Variants in KMT2C observed in about 807,000 individuals in gnomAD.
The protein encoded by KMT2C is histone-lysine N-methyltransferase 2C.
KMT2C carries 88 observed loss-of-function variants against 507.9 expected under a neutral mutation model. That is an observed-to-expected ratio of 0.17 (90% CI 0.15 to 0.21). The LOEUF (loss-of-function observed/expected upper bound fraction) is 0.21, where lower values mean the gene tolerates loss of function less well. Among genes scored for constraint, KMT2C ranks in the 10% least tolerant of loss-of-function variants. The pLI is 1.00. For synonymous variants in KMT2C, 2,049 were observed against 2,080.8 expected, an observed-to-expected ratio of 0.98 and a Z score of 0.42; for missense variants, 4,954 against 5,957.8, an observed-to-expected ratio of 0.83 and a Z score of 5.55.
intron 1 of KMT2C, among the ~76,000 whole-genome samples, chr7:152,428,826 T>C (rs963317519): frequency 2.0e-5 from 3 of 152,146 alleles, no homozygotes; most frequent in African/African-American, 2.4e-5. Flanking sequence ...AAAGTGTCAG[T>C]TGTCATTCAG....
chr7:152,294,022 C>CTT (rs5888465), intron 6 of KMT2C, among the ~76,000 whole-genome samples: 2,494 of 133,084 alleles, frequency 0.019, 78 homozygotes, highest in African/African-American at 0.063. Flanking sequence ...CCACACCTGC[C>CTT]TTTTTTTTTT....
rs1345303559 is a variant in KMT2C, at chr7:152,205,204, C to T, written c.3863G>A (p.Arg1288Gln). 6.2e-7 allele frequency: 1 copy of T among 1,610,664 alleles called. No individual in the cohort carries two copies. Among genetic ancestry groups the T allele is most frequent in the Non-Finnish European group, 8.5e-7 (1 of 1,178,564 alleles). ...CCCTTGCCCAGTTCGACTTCTTTGC[C>T]GCACCATAAATCCACCAATACCTAT... ...YRPGIGGFMV[R>Q]QRSRTGQGKT... Residue 1288 changes from arginine to glutamine, a missense_variant, in exon 25 of 59, where the codon CGG becomes CAG. Arg to Gln is a conservative substitution (Grantham distance 43). Transcript: ENST00000262189.
At chr7:152,195,876 C>T in intron 28 of KMT2C, 31 bp downstream of exon 28, 1 of 1,285,818 alleles carries the variant, frequency 7.8e-7, no homozygotes, top group Non-Finnish European at 1.1e-6. Context: ...CATCAGAAAC[C>T]AGAAAAAGGG....
intron 2 of KMT2C, among the ~76,000 whole-genome samples, chr7:152,355,109 A>T (rs1589400778): frequency 6.6e-6 from 1 of 152,314 alleles, no homozygotes; most frequent in East Asian, 1.9e-4. Context: ...AAAGCCCTCC[A>T]GTGGGCTGGA....
At chr7:152,387,468 C>CA (rs2097440293) in intron 1 of KMT2C, among the ~76,000 whole-genome samples, 1 of 123,754 alleles carries the variant, frequency 8.1e-6, no homozygotes, top group South Asian at 2.7e-4. Context: ...AGTATAATTC[C>CA]ATTTTTTTTT....
intron 7 of KMT2C, among the ~76,000 whole-genome samples, chr7:152,269,028 T>C (rs2095910118): frequency 6.6e-6 from 1 of 152,130 alleles, no homozygotes; most frequent in African/African-American, 2.4e-5. Flanking sequence ...CTACAATTAT[T>C]CCCAATGTTT....
At chr7:152,403,715 TACAC>T (rs36191060) in intron 1 of KMT2C, among the ~76,000 whole-genome samples, 3,682 of 130,090 alleles carry the variant, frequency 0.028, no homozygotes, top group South Asian at 0.045. Flanking sequence ...CTGGGACACA[TACAC>T]ACACACACAC....
Position 152,151,491 on chromosome 7 carries a change from A to G in KMT2C, c.12617T>C (p.Leu4206Pro). 2 of 1,614,208 alleles carry G rather than the reference A, an allele frequency of 1.2e-6. No homozygotes were observed. The highest frequency in any genetic ancestry group is 1.7e-6 in the Non-Finnish European group (2 of 1,180,020). ...GAAAGATTTCCGCACACCACTTCCA[A>G]GAATAACCACTTTACAATGACAACA... is the stretch of plus-strand genomic sequence containing the variant. Reference protein sequence around the residue: ...QWCCHCKVVILGSGVRKSFKD... With the variant: ...QWCCHCKVVIPGSGVRKSFKD... The change falls in exon 50 of 59, where the codon CTT (leucine) becomes CCT (proline). Residue 4206 changes from leucine (L) to proline (P), a missense_variant. Leu to Pro is a moderately conservative substitution (Grantham distance 98, BLOSUM62 -3). This residue lies in a region of KMT2C where 417 missense variants were observed against 461.1 expected (regional missense o/e 0.90). Transcript: ENST00000262189.
intron 1 of KMT2C, among the ~76,000 whole-genome samples, chr7:152,410,690 G>A (rs1157359079): frequency 2.0e-5 from 3 of 149,922 alleles, no homozygotes; most frequent in Non-Finnish European, 3.0e-5. Flanking sequence ...ATGTATATGA[G>A]ATGTATATAT....
chr7:152,368,245 G>A (rs1174546861), intron 1 of KMT2C: 3 of 908,728 alleles, frequency 3.3e-6, no homozygotes, highest in Non-Finnish European at 5.6e-6. Flanking sequence ...GGACTTGAAA[G>A]ATGTTACTAA....
At chr7:152,334,714 C>T (rs1200483738) in intron 2 of KMT2C, among the ~76,000 whole-genome samples, 2 of 152,076 alleles carry the variant, frequency 1.3e-5, no homozygotes, top group Admixed American at 1.3e-4. Context: ...GACAGCAACC[C>T]AGTCGCAATG....
In KMT2C at chr7:152,144,619, T is replaced by C. The variant is rs1278122684; in HGVS notation, c.14343+94A>G. The stretch of plus-strand genomic sequence containing the variant: ...AAACACGTTTCTGTCCCTGCAGCTA[T>C]GTGAAATCATTTTCACATACTGGAC... On this transcript the variant is annotated intron_variant, in intron 55 of 58. Transcript: ENST00000262189. The surrounding 1 kb of genome is among the most constrained non-coding windows in gnomAD (Gnocchi z 4.4). 16 of 1,226,670 alleles carry C rather than the reference T, an allele frequency of 1.3e-5. No individual in the cohort carries two copies. The highest frequency in any genetic ancestry group is 3.0e-5 in the African/African-American group (2 of 66,738). 76.0% of individuals were successfully genotyped at this position (1,226,670 alleles called of 1,614,324 possible).
Position 152,136,931 on chromosome 7 carries a change from A to G in KMT2C, c.14644-7T>C, listed in dbSNP as rs1380808509. On this transcript the variant is annotated splice_polypyrimidine_tract_variant and splice_region_variant and intron_variant, in intron 58 of 58. Coordinates refer to ENST00000262189, the MANE Select transcript of KMT2C (RefSeq NM_170606.3). ...ACTTATAGTCATAGCAGAGCTGCCC[A>G]CGGCAAAGACACAGGGTAAGAAAGG... 3.7e-6 allele frequency: 6 copies of G among 1,606,350 alleles called. No homozygotes were observed. Among genetic ancestry groups the G allele is most frequent in the Admixed American group, 1.7e-5 (1 of 60,020 alleles).
At chr7:152,412,342 A>T (rs571594816) in intron 1 of KMT2C, among the ~76,000 whole-genome samples, 5 of 152,356 alleles carry the variant, frequency 3.3e-5, no homozygotes, top group African/African-American at 1.2e-4. Context: ...CGGAGGTTGC[A>T]GTGAGCTGAG....
chr7:152,167,678 A>G (rs2092792508), intron 41 of KMT2C, among the ~76,000 whole-genome samples: 1 of 152,180 alleles, frequency 6.6e-6, no homozygotes, highest in Non-Finnish European at 1.5e-5. Context: ...TTTTTTACTA[A>G]ACAAATTCTC....
intron 1 of KMT2C, among the ~76,000 whole-genome samples, chr7:152,391,016 G>A (rs1312179895): frequency 3.3e-5 from 5 of 151,272 alleles, no homozygotes; most frequent in Non-Finnish European, 7.4e-5. Context: ...ATGGTGGCAG[G>A]CGCCTGTAAT....
rs1424235527 is a variant in KMT2C at position 152,251,928 on chromosome 7, C to A, written c.1621+11G>T. The A allele has an allele frequency of 9.6e-6, 15 of 1,558,700 alleles. No individual in the cohort carries two copies. The highest frequency in any genetic ancestry group is 1.3e-5 in the Non-Finnish European group (15 of 1,153,624). On this transcript the variant is annotated intron_variant, in intron 11 of 58. Transcript: ENST00000262189. ...ACAAAAAATTTAAAAAAAAATCATTCTCAAATTTACCTGTAGTGAGCTCAG... is the reference window on the plus strand; with the variant it reads ...ACAAAAAATTTAAAAAAAAATCATTATCAAATTTACCTGTAGTGAGCTCAG...
intron 9 of KMT2C, among the ~76,000 whole-genome samples, chr7:152,255,878 A>T (rs1301422030): frequency 1.3e-5 from 2 of 152,182 alleles, no homozygotes; most frequent in African/African-American, 4.8e-5. Context: ...TAAAAAATAA[A>T]ACAATGCAAG....
chr7:152,145,960 T>C (rs529933689), intron 53 of KMT2C, among the ~76,000 whole-genome samples: 2 of 152,220 alleles, frequency 1.3e-5, no homozygotes, highest in South Asian at 2.1e-4. Context: ...AGAAAACAAT[T>C]AGGCACATTA....
Sources: gnomAD v4.1 joint callset for allele counts (sites outside exome capture counted in the v4.1 genomes callset) on GRCh38, gnomAD v4.1.1 for gene constraint, gnomAD v4.1.1 regional missense constraint, Gnocchi (gnomAD v3.1) non-coding constraint, MANE v1.5 for transcripts, NCBI Gene and HGNC (gene_info 2026-07-23, HGNC 2026-07-21) for gene names.